ZNF518A: variants seen among roughly 807,000 people sequenced by gnomAD.
ZNF518A encodes zinc finger protein 518.
ZNF518A carries 47 observed loss-of-function variants against 102.7 expected under a neutral mutation model. That is an observed-to-expected ratio of 0.46 (90% confidence interval 0.36 to 0.58). The LOEUF is 0.58. ZNF518A is among the 20% of genes least tolerant of loss of function. ZNF518A has a pLI of 0.00. For synonymous variants in ZNF518A, 652 were observed against 594.6 expected (o/e 1.10, Z -1.40); for missense variants, 1,793 against 1,699.8 (o/e 1.05, Z -0.96).
At chr10:96,132,008 A>G (rs1054916711) in intron 1 of ZNF518A, among the ~76,000 whole-genome samples, 22 of 149,492 alleles carry the variant, frequency 1.5e-4, no homozygotes, top group Non-Finnish European at 3.1e-4. Flanking sequence ...AGCACTTAAT[A>G]CTACTTTTTT....
At chr10:96,164,876 G>T (rs1045633299), downstream of ZNF518A, among the ~76,000 whole-genome samples, 1 of 152,188 alleles carries the variant, frequency 6.6e-6, no homozygotes, top group African/African-American at 2.4e-5. Flanking sequence ...TTATGTTTAT[G>T]TGGCAACTCA....
chr10:96,133,092 AAAG>A (rs2081420187), intron 2 of ZNF518A, among the ~76,000 whole-genome samples: 1 of 137,160 alleles, frequency 7.3e-6, no homozygotes, highest in Non-Finnish European at 1.7e-5. Context: ...CTAAGCAAAA[AAAG>A]TAATTTTTGG....
chr10:96,189,256 T>G, intron 1 of ZNF518A: 1 of 401,302 alleles, frequency 2.5e-6, no homozygotes, highest in South Asian at 2.2e-5. Context: ...TTAAACACAG[T>G]AGGGAAAGTT....
Position 96,200,054 on chromosome 10 carries a change from AAAT to A in ZNF518A, n.36-3514_36-3512del, listed in dbSNP as rs782390002. 10 of 1,411,898 alleles carry A rather than the reference AAAT, an allele frequency of 7.1e-6. No individual in the cohort carries two copies. In the South Asian group the frequency reaches 1.5e-4, roughly 21 times the overall value. The allele number at this position is 1,411,898 out of a possible 1,614,324, so 87.5% of individuals were successfully genotyped here. A position where few individuals can be genotyped will look rare whatever the true frequency, so the allele number is the denominator to read the frequency against. ...TAAAATAAAATAAAATAAAAATAAT[AAAT>A]AATAAAAATGATCAGACCTTGTTTG... On this transcript the variant is annotated intron_variant and non_coding_transcript_variant, in intron 1 of 2. Coordinates refer to the ZNF518A transcript ENST00000442635. The surrounding 1 kb of genome is among the most constrained non-coding windows in gnomAD (Gnocchi z 4.3).
chr10:96,176,082 A>G (rs782630342), intron 1 of ZNF518A, among the ~76,000 whole-genome samples: 154 of 152,088 alleles, frequency 1.0e-3, no homozygotes, highest in Non-Finnish European at 2.1e-3. Flanking sequence ...GGTGCATGGC[A>G]CCCTGCCTGG....
chr10:96,175,873 CCCTCCCTT>C lies in ZNF518A; in HGVS notation n.35+19830_35+19837del, dbSNP rs1158111990. 1.1e-3 allele frequency among the ~76,000 whole-genome samples: 56 copies of C among 49,758 alleles called. 3 individuals carry two copies. In the Middle Eastern group the frequency reaches 0.025, roughly 22 times the overall value. 32.6% of individuals were successfully genotyped at this position (49,758 alleles called of 152,430 possible). The stretch of plus-strand genomic sequence containing the variant: ...ACAAGTATTCCCTCCCTGCCTCCCT[CCCTCCCTT>C]CCTTCCTTCCTTCCTTCCTTCCTTC... On this transcript the variant is annotated intron_variant and non_coding_transcript_variant, in intron 1 of 2. Transcript: ENST00000442635.
chr10:96,129,981 C>T (rs1204799943), upstream of ZNF518A: 1 of 152,706 alleles, frequency 6.5e-6, no homozygotes, highest in African/African-American at 2.4e-5. Flanking sequence ...CGTTCTCTTC[C>T]GCTTGTCTCA....
intron 3 of ZNF518A, among the ~76,000 whole-genome samples, chr10:96,146,129 T>C (rs1208014221): frequency 2.6e-5 from 4 of 152,202 alleles, no homozygotes; most frequent in African/African-American, 9.7e-5. Context: ...GTATGTTAGA[T>C]ATCATTGTGT....
intron 1 of ZNF518A, among the ~76,000 whole-genome samples, chr10:96,171,690 A>G (rs1554890911): frequency 6.6e-6 from 1 of 152,190 alleles, no homozygotes. Context: ...GCACACATAG[A>G]CACATGTATA....
chr10:96,200,727 T>C lies in ZNF518A; in HGVS notation n.36-2847T>C, dbSNP rs1390789976. Among the ~76,000 whole-genome samples, 4 of 152,202 alleles carry C rather than the reference T, an allele frequency of 2.6e-5. No homozygotes were observed. The highest frequency in any genetic ancestry group is 5.9e-5 in the Non-Finnish European group (4 of 68,034). On this transcript the variant is annotated intron_variant and non_coding_transcript_variant, in intron 1 of 2. Coordinates refer to the ZNF518A transcript ENST00000442635. This position sits in a 1 kb window ranked among gnomAD's most constrained non-coding sequence, Gnocchi z 4.3. ...GAAATTACAAAGTTTAAATAAAATC[T>C]ATGTGAGAGGAAGAATAATGAAAAC... is the stretch of plus-strand genomic sequence containing the variant.
intron 3 of ZNF518A, among the ~76,000 whole-genome samples, chr10:96,140,917 C>T (rs919444585): frequency 6.6e-6 from 1 of 152,042 alleles, no homozygotes; most frequent in African/African-American, 2.4e-5. Context: ...GCACTTCAGC[C>T]TGGGAGACAG....
At chr10:96,189,852 CTG>C in intron 1 of ZNF518A, 1 of 1,215,948 alleles carries the variant, frequency 8.2e-7, no homozygotes, top group Admixed American at 1.7e-5. Context: ...TCTTCTGACT[CTG>C]CATCTTCCTC....
chr10:96,171,565 G>A (rs901986504), intron 1 of ZNF518A, among the ~76,000 whole-genome samples: 18 of 152,116 alleles, frequency 1.2e-4, no homozygotes, highest in African/African-American at 4.3e-4. Flanking sequence ...AAAGGACAAG[G>A]AGTGATAAAA....
At chr10:96,179,948 G>A (rs1161148503) in intron 1 of ZNF518A, among the ~76,000 whole-genome samples, 20 of 146,404 alleles carry the variant, frequency 1.4e-4, no homozygotes, top group South Asian at 2.1e-4. Context: ...GCACAACCTC[G>A]GCTCACTGCA....
intron 3 of ZNF518A, among the ~76,000 whole-genome samples, chr10:96,136,327 T>C (rs2081595496): frequency 6.6e-6 from 1 of 151,132 alleles, no homozygotes; most frequent in Admixed American, 6.6e-5. Flanking sequence ...TAACTTGGAA[T>C]GCCGATTTAT....
intron 3 of ZNF518A, among the ~76,000 whole-genome samples, chr10:96,139,224 C>T (rs74151271): frequency 0.031 from 4,679 of 152,146 alleles, 240 homozygotes; most frequent in East Asian, 0.17. Flanking sequence ...CCAGATACCG[C>T]TGTTTCTTGC....
intron 3 of ZNF518A, among the ~76,000 whole-genome samples, chr10:96,152,419 CTTTTTT>C (rs1564761979): frequency 6.6e-6 from 1 of 152,134 alleles, no homozygotes; most frequent in Non-Finnish European, 1.5e-5. Flanking sequence ...TAAAATTTTT[CTTTTTT>C]TATGTTGAGA....
rs1394723716 is a variant in ZNF518A, at chr10:96,200,850, A to T, written n.36-2724A>T. The T allele has an allele frequency of 6.9e-6, 6 of 867,264 alleles. No homozygotes were observed. The highest frequency in any genetic ancestry group is 1.2e-5 in the Non-Finnish European group (6 of 509,834). The allele number at this position is 867,264 out of a possible 1,614,324, so 53.7% of individuals were successfully genotyped here. A position where few individuals can be genotyped will look rare whatever the true frequency, so the allele number is the denominator to read the frequency against. Reference sequence around the variant, plus strand: ...GGTATTCTGTCCCTATTACCAAATGACAGTTCACATAATGATGTAAAATAC... The same window carrying T: ...GGTATTCTGTCCCTATTACCAAATGTCAGTTCACATAATGATGTAAAATAC... On this transcript the variant is annotated intron_variant and non_coding_transcript_variant, in intron 1 of 2. Coordinates refer to the ZNF518A transcript ENST00000442635. This position sits in a 1 kb window ranked among gnomAD's most constrained non-coding sequence, Gnocchi z 4.3.
chr10:96,167,540 T>G (rs1447782950), downstream of ZNF518A, among the ~76,000 whole-genome samples: 2 of 151,804 alleles, frequency 1.3e-5, no homozygotes, highest in Non-Finnish European at 2.9e-5. Flanking sequence ...GTAGAGAACA[T>G]AGAGATAGAA....
Sources: allele counts gnomAD v4.1 joint callset (sites outside exome capture counted in the v4.1 genomes callset), GRCh38; gene constraint gnomAD v4.1.1; non-coding constraint Gnocchi (gnomAD v3.1); transcripts MANE v1.5; gene names NCBI Gene and HGNC (gene_info 2026-07-23, HGNC 2026-07-21).